PDE4B: variants seen among roughly 807,000 people sequenced by gnomAD.
PDE4B encodes phosphodiesterase 4B, also known as 3',5'-cyclic-AMP phosphodiesterase 4B.
Under a neutral mutation model 82.2 loss-of-function variants are expected in PDE4B, and 20 were observed. That is an observed-to-expected ratio of 0.24 (90% CI 0.17 to 0.35). PDE4B has a LOEUF of 0.35. PDE4B is among the 10% of genes least tolerant of loss of function. The pLI, the probability that PDE4B is intolerant of heterozygous loss-of-function variation, is 1.00. For missense variants in PDE4B, 655 were observed against 907.2 expected, an observed-to-expected ratio of 0.72 and a Z score of 3.57; for synonymous variants, 320 against 318.9, an observed-to-expected ratio of 1.00 and a Z score of -0.04.
chr1:65,935,483 T>C (rs933322716), intron 3 of PDE4B, among the ~76,000 whole-genome samples: 5 of 152,172 alleles, frequency 3.3e-5, no homozygotes, highest in Non-Finnish European at 7.3e-5. Context: ...GATGTTACTA[T>C]ACACTACTAT....
intron 3 of PDE4B, among the ~76,000 whole-genome samples, chr1:66,196,351 AAC>A (rs1648295439): frequency 1.3e-5 from 2 of 152,186 alleles, no homozygotes; most frequent in Non-Finnish European, 2.9e-5. Flanking sequence ...TTTCTGCATC[AAC>A]AGTCTACAGA....
intron 3 of PDE4B, among the ~76,000 whole-genome samples, chr1:66,243,954 G>A (rs1215652247): frequency 6.6e-6 from 1 of 152,190 alleles, no homozygotes; most frequent in Non-Finnish European, 1.5e-5. Context: ...TTCCAGGCAG[G>A]TATAAGTCAC....
At chr1:65,867,225 G>T (rs1047220672) in intron 1 of PDE4B, among the ~76,000 whole-genome samples, 3 of 152,098 alleles carry the variant, frequency 2.0e-5, no homozygotes, top group Non-Finnish European at 4.4e-5. Flanking sequence ...ACATTTAAAT[G>T]AGACGATAAG....
intron 4 of PDE4B, among the ~76,000 whole-genome samples, chr1:66,252,751 A>T (rs1653886524): frequency 6.6e-6 from 1 of 152,162 alleles, no homozygotes; most frequent in African/African-American, 2.4e-5. Flanking sequence ...CAGCCTGGAC[A>T]ACGTGGCGAA....
chr1:66,227,668 T>C (rs1651562007), intron 3 of PDE4B, among the ~76,000 whole-genome samples: 1 of 152,212 alleles, frequency 6.6e-6, no homozygotes, highest in Admixed American at 6.5e-5. Context: ...TTTTTTCACT[T>C]TTCAAAGAAA....
At position 66,130,170 on chromosome 1, in the gene PDE4B, G is replaced by A. The variant is rs78291299; in HGVS notation, c.282-117290G>A. 1.1e-3 allele frequency among the ~76,000 whole-genome samples: 161 copies of A among 152,282 alleles called. 2 individuals carry two copies. In the East Asian group the frequency reaches 0.028, roughly 27 times the overall value. ...CAAATGGGAGAATGGATTGATTTGT[G>A]AAATGGCAACAGGTCCCTCATGGGA... is the stretch of plus-strand genomic sequence containing the variant. On this transcript the variant is annotated intron_variant, in intron 3 of 16. Coordinates refer to ENST00000341517, the MANE Select transcript of PDE4B (RefSeq NM_002600.4).
chr1:66,071,709 A>G (rs1656163583), intron 3 of PDE4B, among the ~76,000 whole-genome samples: 1 of 152,026 alleles, frequency 6.6e-6, no homozygotes, highest in Non-Finnish European at 1.5e-5. Flanking sequence ...CCTCCTGTGG[A>G]CAGCTTCCCT....
At chr1:66,080,109 A>G (rs754221049) in intron 3 of PDE4B, among the ~76,000 whole-genome samples, 5 of 152,178 alleles carry the variant, frequency 3.3e-5, no homozygotes, top group Non-Finnish European at 7.4e-5. Context: ...TTTAAAAATT[A>G]TTCTTTAGGA....
rs549963827 is a variant in PDE4B, at chr1:65,904,354, A to T, written c.-70-8891A>T. Among the ~76,000 whole-genome samples the T allele has an allele frequency of 3.3e-5, 5 of 152,294 alleles. No homozygotes were observed. The East Asian group carries it at 9.7e-4, about 29-fold the overall frequency. On this transcript the variant is annotated intron_variant, in intron 1 of 16. Coordinates refer to ENST00000341517, the MANE Select transcript of PDE4B (RefSeq NM_002600.4). The stretch of plus-strand genomic sequence containing the variant: ...ATTTAGAAGAAAAAATACTTGGTGA[A>T]TTCTTGTTGAAACATAAGATAAAAC...
At chr1:65,871,057 G>C (rs1038483697) in intron 1 of PDE4B, among the ~76,000 whole-genome samples, 1 of 152,168 alleles carries the variant, frequency 6.6e-6, no homozygotes, top group African/African-American at 2.4e-5. Flanking sequence ...TTTAGATCCA[G>C]GGACAGGGGA....
At chr1:66,245,040 G>A (rs1459090423) in intron 3 of PDE4B, among the ~76,000 whole-genome samples, 1 of 152,180 alleles carries the variant, frequency 6.6e-6, no homozygotes, top group Non-Finnish European at 1.5e-5. Flanking sequence ...AGTTCTAAGA[G>A]CTCGGTGGGC....
intron 3 of PDE4B, among the ~76,000 whole-genome samples, chr1:66,208,097 CAATT>C (rs1159236818): frequency 6.6e-6 from 1 of 152,136 alleles, no homozygotes; most frequent in East Asian, 1.9e-4. Flanking sequence ...CTTCCTGTAT[CAATT>C]AAGTAGCTTA....
At chr1:65,934,246 T>G (rs1301796266) in intron 3 of PDE4B, among the ~76,000 whole-genome samples, 1 of 152,094 alleles carries the variant, frequency 6.6e-6, no homozygotes, top group Non-Finnish European at 1.5e-5. Flanking sequence ...CCCAGGAGCT[T>G]GAGATCAGCC....
At chr1:65,884,241 C>G (rs1646744728) in intron 1 of PDE4B, among the ~76,000 whole-genome samples, 1 of 152,138 alleles carries the variant, frequency 6.6e-6, no homozygotes, top group Admixed American at 6.6e-5. Flanking sequence ...GGTACCAGCT[C>G]CTCCTTGTAC....
At chr1:65,910,169 G>A (rs887225750) in intron 1 of PDE4B, among the ~76,000 whole-genome samples, 2 of 152,158 alleles carry the variant, frequency 1.3e-5, no homozygotes, top group Admixed American at 1.3e-4. Context: ...AATCATGTAC[G>A]TAGAGTGCTT....
chr1:65,988,613 T>G (rs965754580), intron 3 of PDE4B, among the ~76,000 whole-genome samples: 8 of 144,628 alleles, frequency 5.5e-5, no homozygotes, highest in African/African-American at 2.0e-4. Context: ...TTGATAGTCT[T>G]AAATCTGTTC....
chr1:65,886,436 A>T (rs1018903134), intron 1 of PDE4B, among the ~76,000 whole-genome samples: 2 of 152,162 alleles, frequency 1.3e-5, no homozygotes, highest in African/African-American at 4.8e-5. Flanking sequence ...AGTGTTGTTA[A>T]CTATAGTCAC....
chr1:66,097,669 C>T (rs2101011125), intron 3 of PDE4B, among the ~76,000 whole-genome samples: 1 of 151,668 alleles, frequency 6.6e-6, no homozygotes, highest in African/African-American at 2.4e-5. Flanking sequence ...TTTTATATTA[C>T]TCTTTCTCTC....
intron 1 of PDE4B, among the ~76,000 whole-genome samples, chr1:65,821,517 A>G (rs11208758): frequency 0.7 from 106,454 of 152,044 alleles, 38,713 homozygotes; most frequent in Non-Finnish European, 0.81. Context: ...GTCTTCCTAC[A>G]TATAGAAGTT....
Sources: allele counts gnomAD v4.1 joint callset (sites outside exome capture counted in the v4.1 genomes callset), GRCh38; gene constraint gnomAD v4.1.1; transcripts MANE v1.5; gene names NCBI Gene and HGNC (gene_info 2026-07-23, HGNC 2026-07-21).